The following GTF2A1L variants were observed in gnomAD, a reference collection of about 807,000 sequenced individuals.
GTF2A1L encodes general transcription factor IIA subunit 1 like.
Under a neutral mutation model 49.7 loss-of-function variants are expected in GTF2A1L, and 48 were observed. That is an observed-to-expected ratio of 0.97 (90% CI 0.77 to 1.23). The LOEUF is 1.23. Among genes scored for constraint, GTF2A1L ranks in the 50% most tolerant of loss-of-function variants. The pLI, the probability that GTF2A1L is intolerant of heterozygous loss-of-function variation, is 0.00. For synonymous variants in GTF2A1L, 246 were observed against 193.5 expected (o/e 1.27, Z -2.25); for missense variants, 736 against 564.8 (o/e 1.30, Z -3.07).
At chr2:48,673,221 C>T (rs1478112126) in intron 8 of GTF2A1L, among the ~76,000 whole-genome samples, 1 of 151,972 alleles carries the variant, frequency 6.6e-6, no homozygotes, top group African/African-American at 2.4e-5. Context: ...TGGGTTGTTT[C>T]CACTGTAGGG....
intron 6 of GTF2A1L, among the ~76,000 whole-genome samples, chr2:48,668,835 A>G (rs1422701233): frequency 6.8e-6 from 1 of 146,440 alleles, no homozygotes; most frequent in African/African-American, 2.5e-5. Flanking sequence ...ACCCCGCCTC[A>G]AAAAATAAAT....
At chr2:48,631,451 T>C (rs1357767506) in intron 3 of GTF2A1L, among the ~76,000 whole-genome samples, 1 of 152,200 alleles carries the variant, frequency 6.6e-6, no homozygotes, top group African/African-American at 2.4e-5. Flanking sequence ...TTTGTATTTC[T>C]GTGATTGGTT....
intron 6 of GTF2A1L, among the ~76,000 whole-genome samples, chr2:48,662,233 A>C (rs1176873510): frequency 1.3e-5 from 2 of 152,220 alleles, no homozygotes; most frequent in Non-Finnish European, 2.9e-5. Context: ...TTACACATTA[A>C]CATAGTTTTT....
Position 48,629,324 on chromosome 2 carries a change from T to C in GTF2A1L, c.247+8034T>C, listed in dbSNP as rs984850503. 1.0e-4 allele frequency among the ~76,000 whole-genome samples: 15 copies of C among 144,356 alleles called. 1 individual carries two copies. The East Asian group carries it at 2.7e-3, about 26-fold the overall frequency. 94.7% of individuals were successfully genotyped at this position (144,356 alleles called of 152,430 possible). A position where few individuals can be genotyped will look rare whatever the true frequency, so the allele number is the denominator to read the frequency against. Reference sequence around the variant, plus strand: ...TGTCCAAAGCAATGATTTTGAATTTTGATGAGGGAAGGCAAGGGTTTAAAA... The same window carrying C: ...TGTCCAAAGCAATGATTTTGAATTTCGATGAGGGAAGGCAAGGGTTTAAAA... On this transcript the variant is annotated intron_variant, in intron 3 of 8. Transcript: ENST00000403751.
intron 3 of GTF2A1L, among the ~76,000 whole-genome samples, chr2:48,622,512 T>A (rs1452690504): frequency 6.6e-6 from 1 of 152,220 alleles, no homozygotes; most frequent in Non-Finnish European, 1.5e-5. Flanking sequence ...GATGTTTTTT[T>A]AACTTATGGT....
intron 3 of GTF2A1L, among the ~76,000 whole-genome samples, chr2:48,637,534 A>T (rs1676965912): frequency 6.6e-6 from 1 of 152,188 alleles, no homozygotes; most frequent in African/African-American, 2.4e-5. Context: ...AGAGATCTCA[A>T]ATTAAGAACG....
chr2:48,657,704 C>T (rs763810212), intron 6 of GTF2A1L, among the ~76,000 whole-genome samples: 1 of 151,702 alleles, frequency 6.6e-6, no homozygotes, highest in Non-Finnish European at 1.5e-5. Context: ...AACTAATTTA[C>T]ATTCCCACCA....
chr2:48,664,079 A>G (rs76091663), intron 6 of GTF2A1L, among the ~76,000 whole-genome samples: 14,736 of 151,938 alleles, frequency 0.097, 1,128 homozygotes, highest in African/African-American at 0.21. Context: ...GTAGACTATA[A>G]TCTATTTTGA....
intron 3 of GTF2A1L, among the ~76,000 whole-genome samples, chr2:48,641,877 T>C (rs1185293863): frequency 6.6e-6 from 1 of 152,212 alleles, no homozygotes; most frequent in Admixed American, 6.5e-5. Flanking sequence ...ACCTGTTTTA[T>C]TGCAGAGACT....
At chr2:48,624,056 C>G (rs1282551406) in intron 3 of GTF2A1L, among the ~76,000 whole-genome samples, 1 of 104,554 alleles carries the variant, frequency 9.6e-6, no homozygotes, top group South Asian at 3.6e-4. Context: ...TGAATCTAAA[C>G]CCAGAAACTT....
At chr2:48,679,290 T>G (rs930634439) in intron 8 of GTF2A1L, 45 bp from the exon 9 acceptor site, 31 of 1,593,226 alleles carry the variant, frequency 1.9e-5, no homozygotes, top group Non-Finnish European at 2.5e-5. Flanking sequence ...AGGTGATCCT[T>G]TAACTTGTAA....
chr2:48,671,663 G>A lies in GTF2A1L; in HGVS notation c.1312G>A (p.Val438Ile). Residue 438 changes from valine (V) to isoleucine (I), a missense_variant, in exon 8 of 9, where the codon GTC becomes ATC. Val to Ile is a conservative substitution (Grantham distance 29, BLOSUM62 3). Transcript: ENST00000403751. ...PDLFDTDNVI[V>I]CQYDKIHRSK... is the part of the protein sequence containing the mutation. ...CCTGTTTGACACGGATAATGTTATTGTCTGTCAGTATGATAAGGTACTGTA... is the reference window on the plus strand; with the variant it reads ...CCTGTTTGACACGGATAATGTTATTATCTGTCAGTATGATAAGGTACTGTA... The A allele has an allele frequency of 1.2e-6, 2 of 1,613,232 alleles. No individual in the cohort carries two copies. Among genetic ancestry groups the A allele is most frequent in the Non-Finnish European group, 1.7e-6 (2 of 1,179,536 alleles).
At chr2:48,624,811 G>C (rs1400734584) in intron 3 of GTF2A1L, among the ~76,000 whole-genome samples, 1 of 139,492 alleles carries the variant, frequency 7.2e-6, no homozygotes, top group East Asian at 2.0e-4. Flanking sequence ...TTTTCTTTTT[G>C]TGTCTGGCTT....
intron 3 of GTF2A1L, among the ~76,000 whole-genome samples, chr2:48,621,601 G>T (rs758085898): frequency 6.6e-6 from 1 of 152,194 alleles, no homozygotes; most frequent in East Asian, 1.9e-4. Context: ...ATTTGACTGG[G>T]TCTAGTCAAG....
intron 3 of GTF2A1L, among the ~76,000 whole-genome samples, chr2:48,630,798 T>C (rs1203798845): frequency 4.8e-5 from 5 of 104,676 alleles, no homozygotes; most frequent in Non-Finnish European, 7.2e-5. Context: ...GCCTAGTTTC[T>C]TGAGGGTTTT....
At chr2:48,649,889 A>G (rs1437268966) in intron 6 of GTF2A1L, among the ~76,000 whole-genome samples, 1 of 152,126 alleles carries the variant, frequency 6.6e-6, no homozygotes, top group African/African-American at 2.4e-5. Flanking sequence ...CCAAACCGTG[A>G]GTGATTCTTG....
chr2:48,654,275 T>C (rs1451732824), intron 6 of GTF2A1L, among the ~76,000 whole-genome samples: 1 of 152,210 alleles, frequency 6.6e-6, no homozygotes, highest in Non-Finnish European at 1.5e-5. Context: ...TTCTGCTTCA[T>C]GTGTCTTATC....
At chr2:48,670,741 G>C (rs1217094499) in intron 7 of GTF2A1L, among the ~76,000 whole-genome samples, 2 of 152,148 alleles carry the variant, frequency 1.3e-5, no homozygotes, top group African/African-American at 4.8e-5. Context: ...CCTGATTTTA[G>C]ATATGAGGAA....
intron 6 of GTF2A1L, among the ~76,000 whole-genome samples, chr2:48,649,411 G>T (rs1033014673): frequency 6.6e-6 from 1 of 152,140 alleles, no homozygotes; most frequent in Non-Finnish European, 1.5e-5. Flanking sequence ...ATTTATCAGT[G>T]TGTAGTCTCT....
Sources: allele counts gnomAD v4.1 joint callset (sites outside exome capture counted in the v4.1 genomes callset), GRCh38; gene constraint gnomAD v4.1.1; transcripts MANE v1.5; gene names NCBI Gene and HGNC (gene_info 2026-07-23, HGNC 2026-07-21).